LRRC37A2: variants seen among roughly 807,000 people sequenced by gnomAD.
The protein encoded by LRRC37A2 is leucine rich repeat containing 37 member A2.
A neutral mutation model predicts 68.8 loss-of-function variants in LRRC37A2; 9 were observed. That is an observed-to-expected ratio of 0.13 (90% CI 0.08 to 0.23). LRRC37A2 has a LOEUF of 0.23. Ranked by LOEUF, LRRC37A2 falls within the 10% of genes least tolerant of loss-of-function variation. The pLI, the probability that LRRC37A2 is intolerant of heterozygous loss-of-function variation, is 1.00. For missense variants in LRRC37A2, 168 were observed against 950.4 expected (o/e 0.18, Z 10.82); for synonymous variants, 63 against 367.6 (o/e 0.17, Z 9.48).
chr17:46,866,975 C>T, the LRRC37A2 span, among the ~76,000 whole-genome samples: 2 of 152,208 alleles, frequency 1.3e-5, no homozygotes, highest in African/African-American at 4.8e-5. Context: ...TTGCCTCCTC[C>T]TCACCCCCAG....
the LRRC37A2 span, among the ~76,000 whole-genome samples, chr17:46,657,740 G>A: frequency 1.2e-5 from 1 of 83,704 alleles, no homozygotes; most frequent in Admixed American, 1.3e-4. Context: ...TAATATTGAG[G>A]TATTTGTAAC....
chr17:46,772,983 C>T, the LRRC37A2 span, among the ~76,000 whole-genome samples: 3 of 152,300 alleles, frequency 2.0e-5, no homozygotes, highest in African/African-American at 7.2e-5. Context: ...CATCTTCCAC[C>T]CAGTCCATGA....
At chr17:46,770,085 C>T in the LRRC37A2 span, 6 of 1,511,298 alleles carry the variant, frequency 4.0e-6, no homozygotes, top group Non-Finnish European at 5.3e-6. Context: ...ACTCAGGACC[C>T]GGCCTGGGAG....
At chr17:46,845,532 C>T in the LRRC37A2 span, among the ~76,000 whole-genome samples, 1 of 148,624 alleles carries the variant, frequency 6.7e-6, no homozygotes, top group African/African-American at 2.5e-5. Context: ...CTCTGTCACC[C>T]TGGCCAGAGT....
chr17:46,830,554 T>TA, the LRRC37A2 span: 1 of 397,706 alleles, frequency 2.5e-6, no homozygotes. Context: ...CCAGAAATCA[T>TA]ATTTCTGAAT....
the LRRC37A2 span, chr17:47,007,918 A>G: frequency 1.3e-5 from 2 of 152,318 alleles, no homozygotes; most frequent in Non-Finnish European, 2.9e-5. Context: ...AATAAATCAC[A>G]TTACACATTA....
At chr17:47,021,825 G>T in the LRRC37A2 span, 6 of 1,397,276 alleles carry the variant, frequency 4.3e-6, no homozygotes, top group Non-Finnish European at 5.1e-6. Context: ...ACCTATTCAA[G>T]GATATAAACT....
At chr17:46,939,466 T>A in the LRRC37A2 span, 3 of 986,884 alleles carry the variant, frequency 3.0e-6, no homozygotes, top group Non-Finnish European at 3.6e-6. Flanking sequence ...AGTCACTGAT[T>A]TTTTCTAGTT....
chr17:46,449,787 C>G, the LRRC37A2 span, among the ~76,000 whole-genome samples: 1 of 100,112 alleles, frequency 1.0e-5, no homozygotes, highest in Admixed American at 9.5e-5. Context: ...AAATCTTTAC[C>G]TTGCAAAACT....
chr17:46,933,330 T>A, the LRRC37A2 span: 2 of 152,232 alleles, frequency 1.3e-5, no homozygotes, highest in Admixed American at 1.3e-4. Flanking sequence ...TAATGGCCCA[T>A]CAGCCATACT....
the LRRC37A2 span, chr17:46,875,156 C>T: frequency 1.2e-6 from 2 of 1,613,924 alleles, no homozygotes; most frequent in Non-Finnish European, 1.7e-6. Context: ...TCACCCACAC[C>T]CTGGCCCGGG....
the LRRC37A2 span, among the ~76,000 whole-genome samples, chr17:46,908,279 G>A: frequency 2.0e-5 from 3 of 152,114 alleles, no homozygotes; most frequent in Non-Finnish European, 4.4e-5. Context: ...GCGGGAAGGG[G>A]GCCTCTGAGG....
chr17:46,946,017 C>T, the LRRC37A2 span, among the ~76,000 whole-genome samples: 2 of 152,144 alleles, frequency 1.3e-5, no homozygotes, highest in Non-Finnish European at 2.9e-5. Flanking sequence ...ATCCAGGGGC[C>T]CTGGGAGACC....
At chr17:46,726,095 A>G in the LRRC37A2 span, among the ~76,000 whole-genome samples, 22 of 152,118 alleles carry the variant, frequency 1.4e-4, no homozygotes, top group Non-Finnish European at 2.6e-4. Flanking sequence ...TTTTACCATT[A>G]TGGTCTGATT....
At chr17:47,008,756 G>A in the LRRC37A2 span, among the ~76,000 whole-genome samples, 1 of 152,104 alleles carries the variant, frequency 6.6e-6, no homozygotes, top group African/African-American at 2.4e-5. Context: ...GGGATTATAG[G>A]CGTGAGCCAC....
chr17:46,948,218 T>C, the LRRC37A2 span, among the ~76,000 whole-genome samples: 3 of 152,172 alleles, frequency 2.0e-5, no homozygotes, highest in Non-Finnish European at 2.9e-5. Context: ...CTTTTGGAGA[T>C]GAATAATGCC....
the LRRC37A2 span, among the ~76,000 whole-genome samples, chr17:46,747,185 G>A: frequency 6.6e-6 from 1 of 152,176 alleles, no homozygotes; most frequent in Non-Finnish European, 1.5e-5. Flanking sequence ...GACACTTGAG[G>A]AAAGCCTCCA....
At chr17:46,804,915 G>GC in the LRRC37A2 span, among the ~76,000 whole-genome samples, 2 of 65,570 alleles carry the variant, frequency 3.1e-5, no homozygotes, top group Non-Finnish European at 6.4e-5. Flanking sequence ...CTGCCTCCCC[G>GC]CCCACCCCCC....
chr17:46,886,767 T>A, the LRRC37A2 span: 1 of 152,312 alleles, frequency 6.6e-6, no homozygotes. Flanking sequence ...TTTGACATTT[T>A]ACAGATGGGC....
Sources: allele counts gnomAD v4.1 joint callset (sites outside exome capture counted in the v4.1 genomes callset), GRCh38; gene constraint gnomAD v4.1.1; transcripts MANE v1.5; gene names NCBI Gene and HGNC (gene_info 2026-07-23, HGNC 2026-07-21).